The following MACROD2 variants were observed in gnomAD, a reference collection of about 807,000 sequenced individuals.
The protein encoded by MACROD2 is mono-ADP ribosylhydrolase 2, also known as ADP-ribose glycohydrolase MACROD2.
A neutral mutation model predicts 70.4 loss-of-function variants in MACROD2; 36 were observed. That is an observed-to-expected ratio of 0.51 (90% CI 0.39 to 0.68). MACROD2 has a LOEUF of 0.68. MACROD2 is among the 30% of genes least tolerant of loss of function. The pLI is 0.00. For missense variants in MACROD2, 496 were observed against 538.4 expected, an observed-to-expected ratio of 0.92 and a Z score of 0.78; for synonymous variants, 172 against 178.8, an observed-to-expected ratio of 0.96 and a Z score of 0.30.
At chr20:14,981,545 G>A (rs1002653314) in intron 5 of MACROD2, among the ~76,000 whole-genome samples, 2 of 151,808 alleles carry the variant, frequency 1.3e-5, no homozygotes, top group African/African-American at 4.8e-5. Context: ...CCCACCTGTT[G>A]TGGGAGAGAC....
intron 6 of MACROD2, among the ~76,000 whole-genome samples, chr20:15,260,343 A>ATT (rs71190182): frequency 0.016 from 2,271 of 145,748 alleles, 50 homozygotes; most frequent in African/African-American, 0.053. Flanking sequence ...CCATGAGATC[A>ATT]TTTTTTTTTT....
At chr20:14,460,697 G>C (rs1235763846) in intron 3 of MACROD2, among the ~76,000 whole-genome samples, 1 of 152,030 alleles carries the variant, frequency 6.6e-6, no homozygotes, top group Non-Finnish European at 1.5e-5. Context: ...TTTTGTCATT[G>C]GTTCTGCTTA....
intron 3 of MACROD2, chr20:14,327,260 G>C: frequency 6.2e-7 from 1 of 1,613,772 alleles, no homozygotes; most frequent in Non-Finnish European, 8.5e-7. Flanking sequence ...TCTACTTTCA[G>C]CAAGTTTTTC....
intron 2 of MACROD2, among the ~76,000 whole-genome samples, chr20:14,052,877 A>G (rs775803529): frequency 1.2e-4 from 18 of 152,178 alleles, no homozygotes; most frequent in Non-Finnish European, 1.2e-4. Flanking sequence ...GTTGTTTTTG[A>G]AAACTTACAG....
intron 5 of MACROD2, among the ~76,000 whole-genome samples, chr20:14,871,276 G>A (rs2073485234): frequency 6.6e-6 from 1 of 152,062 alleles, no homozygotes; most frequent in African/African-American, 2.4e-5. Flanking sequence ...AGAAAGGTTA[G>A]GTCACCTATA....
At chr20:14,295,202 C>T (rs1264788091) in intron 3 of MACROD2, among the ~76,000 whole-genome samples, 2 of 151,872 alleles carry the variant, frequency 1.3e-5, no homozygotes, top group African/African-American at 4.9e-5. Context: ...CTTGGAAACA[C>T]TCTTTATTAC....
At chr20:15,738,195 T>A (rs73107311) in intron 8 of MACROD2, among the ~76,000 whole-genome samples, 6,449 of 152,258 alleles carry the variant, frequency 0.042, 232 homozygotes, top group Non-Finnish European at 0.059. Context: ...AACAGTATAA[T>A]TGGACTGCTT....
intron 3 of MACROD2, among the ~76,000 whole-genome samples, chr20:14,347,098 A>T (rs1370627097): frequency 6.6e-6 from 1 of 152,228 alleles, no homozygotes; most frequent in African/African-American, 2.4e-5. Flanking sequence ...CGTATTTGAA[A>T]TGAGACTGAA....
At chr20:14,607,736 C>T (rs1982898452) in intron 4 of MACROD2, among the ~76,000 whole-genome samples, 1 of 152,068 alleles carries the variant, frequency 6.6e-6, no homozygotes, top group South Asian at 2.1e-4. Flanking sequence ...TTGCTGGAGC[C>T]ACTTTATGAA....
intron 4 of MACROD2, among the ~76,000 whole-genome samples, chr20:14,520,234 A>C (rs1205061144): frequency 2.0e-5 from 3 of 152,182 alleles, no homozygotes; most frequent in Non-Finnish European, 4.4e-5. Flanking sequence ...TTTTAAGTGC[A>C]CAAACTAGAG....
chr20:14,972,302 A>C (rs1447374207), intron 5 of MACROD2, among the ~76,000 whole-genome samples: 1 of 151,604 alleles, frequency 6.6e-6, no homozygotes, highest in African/African-American at 2.4e-5. Context: ...CATTGCATTA[A>C]AACATGTGGG....
chr20:14,184,509 GTT>G, intron 3 of MACROD2, among the ~76,000 whole-genome samples: 1 of 142,862 alleles, frequency 7.0e-6, no homozygotes, highest in Admixed American at 7.0e-5. Flanking sequence ...AGGCTATTTG[GTT>G]TTTTTTTTTG....
At chr20:14,965,440 G>GT (rs1175357412) in intron 5 of MACROD2, among the ~76,000 whole-genome samples, 1 of 124,946 alleles carries the variant, frequency 8.0e-6, no homozygotes, top group African/African-American at 2.9e-5. Context: ...ACGGCTAAAA[G>GT]TTATTTTTTT....
At chr20:14,977,762 G>A (rs2122825793) in intron 5 of MACROD2, among the ~76,000 whole-genome samples, 1 of 152,246 alleles carries the variant, frequency 6.6e-6, no homozygotes, top group Admixed American at 6.5e-5. Flanking sequence ...GGGAAGATGA[G>A]GAAGGACCAT....
chr20:15,364,785 G>T (rs2045383699), intron 6 of MACROD2, among the ~76,000 whole-genome samples: 1 of 152,224 alleles, frequency 6.6e-6, no homozygotes, highest in African/African-American at 2.4e-5. Context: ...AATGAAGGGA[G>T]CCCCTACTGG....
At chr20:15,720,080 T>C (rs550033430) in intron 8 of MACROD2, among the ~76,000 whole-genome samples, 1 of 152,336 alleles carries the variant, frequency 6.6e-6, no homozygotes, top group Non-Finnish European at 1.5e-5. Flanking sequence ...TTATTTCACT[T>C]AATGTAATAT....
rs527772979 is a variant in MACROD2, at chr20:14,305,112, A to C, written c.272-188367A>C. 5.6e-4 allele frequency among the ~76,000 whole-genome samples: 86 copies of C among 152,302 alleles called. 1 individual carries two copies. The highest frequency in any genetic ancestry group is 2.5e-3 in the East Asian group (13 of 5,184). On this transcript the variant is annotated intron_variant, in intron 3 of 17. Coordinates refer to ENST00000684519, the MANE Select transcript of MACROD2 (RefSeq NM_001351661.2). ...AGATCCCCAGGTAATGCTACTGTGC[A>C]CTAAGGTTAAAAGTCACTACCCTAT...
chr20:14,719,089 G>A (rs1381141515), intron 5 of MACROD2, among the ~76,000 whole-genome samples: 2 of 152,030 alleles, frequency 1.3e-5, no homozygotes, highest in East Asian at 3.9e-4. Context: ...AAGATTAGAT[G>A]GGCATGGTGG....
At chr20:14,606,973 C>T (rs1334332624) in intron 4 of MACROD2, among the ~76,000 whole-genome samples, 2 of 152,194 alleles carry the variant, frequency 1.3e-5, no homozygotes, top group Non-Finnish European at 2.9e-5. Flanking sequence ...CATAGTCCTA[C>T]AATGCACACA....
Sources: gnomAD v4.1 joint callset for allele counts (sites outside exome capture counted in the v4.1 genomes callset) on GRCh38, gnomAD v4.1.1 for gene constraint, MANE v1.5 for transcripts, NCBI Gene and HGNC (gene_info 2026-07-23, HGNC 2026-07-21) for gene names.